The following ZBTB20 variants were observed in gnomAD, a reference collection of about 807,000 sequenced individuals.
ZBTB20 encodes zinc finger and BTB domain-containing protein 20.
Under a neutral mutation model 56.9 loss-of-function variants are expected in ZBTB20, and 9 were observed. That is an observed-to-expected ratio of 0.16 (90% confidence interval 0.10 to 0.28). ZBTB20 has a LOEUF of 0.28. ZBTB20 is among the 10% of genes least tolerant of loss of function. The probability of loss-of-function intolerance (pLI) is 1.00; values close to 1 mark genes in which losing one functional copy is unlikely to be tolerated. For missense variants in ZBTB20, 655 were observed against 1,003.0 expected (o/e 0.65, Z 4.69); for synonymous variants, 417 against 420.7 (o/e 0.99, Z 0.11).
At chr3:114,922,610 G>A (rs2076001813) in intron 3 of ZBTB20, among the ~76,000 whole-genome samples, 2 of 152,170 alleles carry the variant, frequency 1.3e-5, no homozygotes, top group Admixed American at 6.5e-5. Flanking sequence ...AATTTATAAA[G>A]AGAAAAAGTT....
chr3:114,989,797 G>T (rs6809298), intron 2 of ZBTB20, among the ~76,000 whole-genome samples: 1 of 151,644 alleles, frequency 6.6e-6, no homozygotes, highest in Non-Finnish European at 1.5e-5. Flanking sequence ...GTTTGTAGTT[G>T]TCCTTGAAGA....
intron 6 of ZBTB20, among the ~76,000 whole-genome samples, chr3:114,608,195 G>T (rs2057310699): frequency 6.6e-6 from 1 of 152,170 alleles, no homozygotes; most frequent in Non-Finnish European, 1.5e-5. Context: ...TTACTCACTT[G>T]AAATGGCTCT....
At chr3:114,866,180 T>C (rs1423374643) in intron 4 of ZBTB20, among the ~76,000 whole-genome samples, 1 of 152,200 alleles carries the variant, frequency 6.6e-6, no homozygotes, top group Admixed American at 6.5e-5. Flanking sequence ...CTAAGCTATG[T>C]TCCAGTTATC....
chr3:114,665,948 G>A (rs1364196905), intron 6 of ZBTB20, among the ~76,000 whole-genome samples: 1 of 151,914 alleles, frequency 6.6e-6, no homozygotes, highest in Non-Finnish European at 1.5e-5. Context: ...TTTATTGGGC[G>A]GAGTTTTATT....
At chr3:114,787,366 T>TATATATATATAC (rs1278656494) in intron 5 of ZBTB20, among the ~76,000 whole-genome samples, 7 of 82,906 alleles carry the variant, frequency 8.4e-5, no homozygotes, top group African/African-American at 3.7e-4. Context: ...TATATATATA[T>TATATATATATAC]ATACACACAC....
chr3:115,038,061 T>A (rs1553883610), intron 2 of ZBTB20, among the ~76,000 whole-genome samples: 1 of 152,224 alleles, frequency 6.6e-6, no homozygotes, highest in Non-Finnish European at 1.5e-5. Flanking sequence ...ACCTCCTACA[T>A]TGTCACACAT....
chr3:114,601,045 C>T (rs1015917968), intron 6 of ZBTB20, among the ~76,000 whole-genome samples: 6 of 151,758 alleles, frequency 4.0e-5, no homozygotes, highest in South Asian at 2.1e-4. Flanking sequence ...CCATCTGCTG[C>T]GCAGACCTCA....
intron 2 of ZBTB20, among the ~76,000 whole-genome samples, chr3:115,061,377 C>T (rs1004583562): frequency 3.3e-5 from 5 of 152,116 alleles, no homozygotes; most frequent in Middle Eastern, 3.2e-3. Context: ...GAAAAACACA[C>T]ATTATATAAA....
chr3:114,367,698 C>T (rs2082561963), intron 10 of ZBTB20, among the ~76,000 whole-genome samples: 1 of 152,132 alleles, frequency 6.6e-6, no homozygotes, highest in Non-Finnish European at 1.5e-5. Context: ...AGATTTGAAA[C>T]TTCTTTCAGC....
chr3:114,888,536 A>G (rs996908436), intron 4 of ZBTB20, among the ~76,000 whole-genome samples: 2 of 152,220 alleles, frequency 1.3e-5, no homozygotes, highest in Non-Finnish European at 2.9e-5. Flanking sequence ...CAAATAAAAA[A>G]TTATTTATGT....
At chr3:114,499,492 G>A (rs1475581059) in intron 7 of ZBTB20, among the ~76,000 whole-genome samples, 1 of 152,212 alleles carries the variant, frequency 6.6e-6, no homozygotes, top group African/African-American at 2.4e-5. Context: ...AAGGAACAGA[G>A]CTCACCAGAG....
chr3:114,849,829 TC>T (rs2074904934), intron 4 of ZBTB20, among the ~76,000 whole-genome samples: 1 of 151,182 alleles, frequency 6.6e-6, no homozygotes. Context: ...TTTAATCATC[TC>T]CTCTACTGAG....
rs75535759 is a variant in ZBTB20 at position 114,398,840 on chromosome 3, C to T, written c.-254-9735G>A. On this transcript the variant is annotated intron_variant, in intron 7 of 11. Transcript: ENST00000675478. ...TAGCAACTATTTACAGAATCTGCTA[C>T]TGCCTTCTAGTCACATTCCAAATTC... 2.0e-3 allele frequency among the ~76,000 whole-genome samples: 310 copies of T among 152,306 alleles called. 2 individuals carry two copies. Among genetic ancestry groups the T allele is most frequent in the African/African-American group, 7.0e-3 (291 of 41,576 alleles).
At position 115,075,526 on chromosome 3, in the gene ZBTB20, T is replaced by C. The variant is rs79781721; in HGVS notation, c.-702-4112A>G. On this transcript the variant is annotated intron_variant, in intron 1 of 11. Transcript: ENST00000675478. ...ACCATTTTCCTTATCCATTCATCCA[T>C]AGAAGGACATTTAGGTTGTTTCCAC... 5.2e-3 allele frequency among the ~76,000 whole-genome samples: 786 copies of C among 152,288 alleles called. 6 individuals carry two copies. The highest frequency in any genetic ancestry group is 0.014 in the Middle Eastern group (4 of 294).
intron 6 of ZBTB20, among the ~76,000 whole-genome samples, chr3:114,605,895 G>A (rs2057108988): frequency 6.6e-6 from 1 of 152,166 alleles, no homozygotes; most frequent in Non-Finnish European, 1.5e-5. Flanking sequence ...GTTCCAGACA[G>A]AGGATAGAGT....
intron 6 of ZBTB20, among the ~76,000 whole-genome samples, chr3:114,550,032 G>A (rs1475603526): frequency 6.6e-5 from 10 of 151,978 alleles, no homozygotes. Flanking sequence ...CCACCTCCTG[G>A]GTTCATGCCA....
intron 3 of ZBTB20, among the ~76,000 whole-genome samples, chr3:114,913,547 G>A (rs187776255): frequency 1.4e-4 from 21 of 152,136 alleles, no homozygotes; most frequent in Admixed American, 3.9e-4. Flanking sequence ...TCTTCACTTT[G>A]TTGATGGTTT....
chr3:114,765,235 A>G (rs2068707369), intron 5 of ZBTB20, among the ~76,000 whole-genome samples: 1 of 152,148 alleles, frequency 6.6e-6, no homozygotes, highest in African/African-American at 2.4e-5. Context: ...CCCAAAATTC[A>G]TATGTTAAAT....
chr3:114,961,640 C>G (rs2077455417), intron 3 of ZBTB20, among the ~76,000 whole-genome samples: 1 of 152,094 alleles, frequency 6.6e-6, no homozygotes, highest in African/African-American at 2.4e-5. Flanking sequence ...AGTAGTGCAA[C>G]TAATGACAAC....
Sources: gnomAD v4.1 joint callset for allele counts (sites outside exome capture counted in the v4.1 genomes callset) on GRCh38, gnomAD v4.1.1 for gene constraint, MANE v1.5 for transcripts, NCBI Gene and HGNC (gene_info 2026-07-23, HGNC 2026-07-21) for gene names.